LRRTM4: variants seen among roughly 807,000 people sequenced by gnomAD.
LRRTM4 encodes leucine rich repeat transmembrane neuronal 4.
Under a neutral mutation model 47.6 loss-of-function variants are expected in LRRTM4, and 25 were observed. The ratio of observed to expected loss-of-function variants is 0.53; its 90% CI spans 0.38 to 0.73. LRRTM4 has a LOEUF of 0.73. LRRTM4 is among the 30% of genes least tolerant of loss of function. LRRTM4 has a pLI of 0.00. For synonymous variants in LRRTM4, 311 were observed against 269.5 expected (o/e 1.15, Z -1.51); for missense variants, 638 against 713.4 (o/e 0.89, Z 1.20).
chr2:77,370,882 A>G (rs1452556727), intron 3 of LRRTM4, among the ~76,000 whole-genome samples: 1 of 151,686 alleles, frequency 6.6e-6, no homozygotes, highest in African/African-American at 2.4e-5. Context: ...TTTCAATGAT[A>G]AAAGGAACTG....
chr2:77,032,919 A>G (rs1026601366), intron 3 of LRRTM4, among the ~76,000 whole-genome samples: 1 of 152,098 alleles, frequency 6.6e-6, no homozygotes, highest in African/African-American at 2.4e-5. Context: ...ATTACACCAT[A>G]CAACATGGTT....
intron 3 of LRRTM4, among the ~76,000 whole-genome samples, chr2:77,118,748 C>A (rs868669023): frequency 2.5e-4 from 38 of 151,602 alleles, no homozygotes; most frequent in African/African-American, 7.7e-4. Flanking sequence ...TTTGAGAGCC[C>A]GAGACAAGTT....
At chr2:77,511,171 C>T (rs1678970390) in intron 3 of LRRTM4, among the ~76,000 whole-genome samples, 1 of 152,004 alleles carries the variant, frequency 6.6e-6, no homozygotes, top group South Asian at 2.1e-4. Flanking sequence ...AAAAAAATTA[C>T]TTTTCTGTCA....
intron 3 of LRRTM4, among the ~76,000 whole-genome samples, chr2:77,023,807 A>C (rs969701830): frequency 1.6e-4 from 25 of 152,164 alleles, no homozygotes; most frequent in Non-Finnish European, 3.2e-4. Context: ...TGGGCCCTCC[A>C]AACTGTTCCA....
intron 3 of LRRTM4, among the ~76,000 whole-genome samples, chr2:77,004,461 G>C (rs781628146): frequency 8.5e-5 from 13 of 152,166 alleles, no homozygotes; most frequent in Non-Finnish European, 1.5e-4. Flanking sequence ...CAGAAGTCAA[G>C]AATTGAGGTT....
chr2:77,015,026 C>T (rs1237324267), intron 3 of LRRTM4, among the ~76,000 whole-genome samples: 3 of 151,938 alleles, frequency 2.0e-5, no homozygotes, highest in Non-Finnish European at 4.4e-5. Context: ...GATTAAACTC[C>T]ATAGTCAGTT....
At chr2:76,852,055 T>G (rs574735642) in intron 3 of LRRTM4, among the ~76,000 whole-genome samples, 3 of 152,266 alleles carry the variant, frequency 2.0e-5, no homozygotes, top group African/African-American at 7.2e-5. Flanking sequence ...TGTTCAGATA[T>G]AGCTAATGAT....
chr2:77,513,038 T>C (rs968469537), intron 3 of LRRTM4, among the ~76,000 whole-genome samples: 2 of 152,200 alleles, frequency 1.3e-5, no homozygotes, highest in Non-Finnish European at 2.9e-5. Flanking sequence ...TAATTGGACC[T>C]AATTCAGACA....
chr2:76,801,016 G>A (rs1240742315), intron 3 of LRRTM4, among the ~76,000 whole-genome samples: 2 of 146,916 alleles, frequency 1.4e-5, no homozygotes, highest in Admixed American at 1.4e-4. Flanking sequence ...GGAAACAACA[G>A]GTGCTGGAGC....
chr2:77,058,844 ATAG>A (rs1332406434), intron 3 of LRRTM4, among the ~76,000 whole-genome samples: 1 of 152,158 alleles, frequency 6.6e-6, no homozygotes, highest in East Asian at 1.9e-4. Flanking sequence ...TCAATCTAAT[ATAG>A]GTAATATTGG....
chr2:76,768,758 G>A (rs556865843), intron 3 of LRRTM4, among the ~76,000 whole-genome samples: 1 of 152,132 alleles, frequency 6.6e-6, no homozygotes, highest in African/African-American at 2.4e-5. Context: ...CATGCAGTAC[G>A]AGAACAAAGA....
chr2:77,056,637 C>T (rs1428426213), intron 3 of LRRTM4, among the ~76,000 whole-genome samples: 1 of 152,050 alleles, frequency 6.6e-6, no homozygotes, highest in Non-Finnish European at 1.5e-5. Flanking sequence ...GAAACTCATT[C>T]CCTGAATAAA....
intron 3 of LRRTM4, among the ~76,000 whole-genome samples, chr2:76,956,512 A>G (rs1334695091): frequency 1.3e-5 from 2 of 151,530 alleles, no homozygotes; most frequent in Non-Finnish European, 3.0e-5. Flanking sequence ...TAAAAGAAGA[A>G]AAATCTCAAA....
At chr2:76,790,976 G>T (rs1487241412) in intron 3 of LRRTM4, among the ~76,000 whole-genome samples, 1 of 152,076 alleles carries the variant, frequency 6.6e-6, no homozygotes, top group African/African-American at 2.4e-5. Context: ...GGAAAACATG[G>T]TCCACAGAAG....
In LRRTM4 at chr2:77,519,176, G is replaced by A; in HGVS notation, c.693C>T (p.Leu231=). The A allele has an allele frequency of 6.2e-7, 1 of 1,613,272 alleles. No homozygotes were observed. Among genetic ancestry groups the A allele is most frequent in the Non-Finnish European group, 8.5e-7 (1 of 1,179,578 alleles). Residue 231 remains leucine (L), a synonymous_variant, in exon 3 of 4, where the codon CTC becomes CTT. Transcript: ENST00000409884. This position sits in a 1 kb window ranked among gnomAD's most constrained non-coding sequence, Gnocchi z 4.6. ...NFAHFPRLFN[L]RSIYLQWNRI... ...TGTTCCATTGTAAGTAAATTGAGCG[G>A]AGGTTGAAGAGACGTGGAAAATGAG...
At chr2:76,807,462 A>C (rs1270747670) in intron 3 of LRRTM4, among the ~76,000 whole-genome samples, 1 of 101,636 alleles carries the variant, frequency 9.8e-6, no homozygotes, top group Admixed American at 1.1e-4. Context: ...ATATATACAT[A>C]TATATATACA....
intron 3 of LRRTM4, among the ~76,000 whole-genome samples, chr2:77,073,452 A>G (rs763203056): frequency 3.3e-5 from 5 of 152,064 alleles, no homozygotes; most frequent in Non-Finnish European, 5.9e-5. Context: ...CATTTCCAGT[A>G]CAGACATTTT....
intron 3 of LRRTM4, among the ~76,000 whole-genome samples, chr2:76,839,709 TATC>T (rs1343337335): frequency 6.6e-6 from 1 of 152,158 alleles, no homozygotes; most frequent in Non-Finnish European, 1.5e-5. Context: ...TAGTTTTATA[TATC>T]ATAATAAATA....
intron 3 of LRRTM4, among the ~76,000 whole-genome samples, chr2:76,787,311 C>T (rs555237899): frequency 6.6e-6 from 1 of 152,010 alleles, no homozygotes; most frequent in East Asian, 1.9e-4. Flanking sequence ...AAATATATAG[C>T]CTGCTATTAC....
Sources: allele counts gnomAD v4.1 joint callset (sites outside exome capture counted in the v4.1 genomes callset), GRCh38; gene constraint gnomAD v4.1.1; non-coding constraint Gnocchi (gnomAD v3.1); transcripts MANE v1.5; gene names NCBI Gene and HGNC (gene_info 2026-07-23, HGNC 2026-07-21).